The following FRMD4B variants were observed in gnomAD, a reference collection of about 807,000 sequenced individuals.
FRMD4B encodes the protein FERM domain-containing protein 4B.
Under a neutral mutation model 141.5 loss-of-function variants are expected in FRMD4B, and 74 were observed. The ratio of observed to expected loss-of-function variants is 0.52; its 90% CI spans 0.43 to 0.63. The LOEUF (loss-of-function observed/expected upper bound fraction) is 0.63. Ranked by LOEUF, FRMD4B falls within the 30% of genes least tolerant of loss-of-function variation. The pLI, the probability that FRMD4B is intolerant of heterozygous loss-of-function variation, is 0.00. For missense variants in FRMD4B, 1,366 were observed against 1,253.4 expected (o/e 1.09, Z -1.36); for synonymous variants, 506 against 467.9 (o/e 1.08, Z -1.05).
At chr3:69,429,750 C>CTTTTTTTTTTT (rs60665985) in intron 2 of FRMD4B, among the ~76,000 whole-genome samples, 1 of 79,478 alleles carries the variant, frequency 1.3e-5, no homozygotes, top group Non-Finnish European at 2.4e-5. Flanking sequence ...GAGACCTCTT[C>CTTTTTTTTTTT]TTTTTTTTTT....
At chr3:69,504,679 A>G (rs949807055) in intron 1 of FRMD4B, among the ~76,000 whole-genome samples, 11 of 152,188 alleles carry the variant, frequency 7.2e-5, no homozygotes, top group African/African-American at 2.7e-4. Context: ...CATGGAACAG[A>G]TATACCACAT....
At chr3:69,458,051 C>T (rs2106912217) in intron 1 of FRMD4B, among the ~76,000 whole-genome samples, 1 of 152,312 alleles carries the variant, frequency 6.6e-6, no homozygotes, top group East Asian at 1.9e-4. Context: ...CTCTTGCTTC[C>T]TGGGAATCTC....
At chr3:69,282,210 C>T (rs74449878) in intron 5 of FRMD4B, among the ~76,000 whole-genome samples, 3,359 of 152,144 alleles carry the variant, frequency 0.022, 65 homozygotes, top group Non-Finnish European at 0.029. Context: ...CTTTTCTTGC[C>T]TGTGTATTTC....
chr3:69,477,187 A>G (rs564630423), intron 1 of FRMD4B, among the ~76,000 whole-genome samples: 1,857 of 152,082 alleles, frequency 0.012, 27 homozygotes, highest in African/African-American at 0.041. Context: ...CTAATTGAAT[A>G]CCCTTTATTT....
chr3:69,366,176 T>C (rs146121489), intron 1 of FRMD4B, among the ~76,000 whole-genome samples: 1,554 of 150,456 alleles, frequency 0.01, 19 homozygotes, highest in African/African-American at 0.035. Flanking sequence ...AGGAGAATTG[T>C]TTGAACCCAG....
intron 1 of FRMD4B, among the ~76,000 whole-genome samples, chr3:69,525,485 G>A (rs944369142): frequency 3.9e-5 from 6 of 152,192 alleles, no homozygotes; most frequent in African/African-American, 1.4e-4. Flanking sequence ...GGCATTATCA[G>A]AAGTTCATAA....
At chr3:69,541,791 C>CCAA in intron 1 of FRMD4B, among the ~76,000 whole-genome samples, 1 of 150,876 alleles carries the variant, frequency 6.6e-6, no homozygotes, top group South Asian at 2.1e-4. Context: ...CAGGGATTTC[C>CCAA]CCCCCCTCTT....
At chr3:69,233,854 C>T (rs972891728) in intron 7 of FRMD4B, among the ~76,000 whole-genome samples, 1 of 152,124 alleles carries the variant, frequency 6.6e-6, no homozygotes, top group African/African-American at 2.4e-5. Context: ...GATGAGAAGT[C>T]ATTTCTTTGT....
intron 1 of FRMD4B, among the ~76,000 whole-genome samples, chr3:69,439,895 C>A (rs1287424108): frequency 1.3e-5 from 2 of 152,134 alleles, no homozygotes; most frequent in African/African-American, 4.8e-5. Flanking sequence ...TGTGGAAGTG[C>A]CTGTTAATAA....
intron 1 of FRMD4B, among the ~76,000 whole-genome samples, chr3:69,438,972 T>C (rs56231721): frequency 0.03 from 4,499 of 152,298 alleles, 232 homozygotes; most frequent in African/African-American, 0.1. Context: ...TCTTCTATGT[T>C]AATTTCTCCA....
intron 19 of FRMD4B, among the ~76,000 whole-genome samples, chr3:69,184,199 G>A (rs186338304): frequency 5.3e-5 from 8 of 152,110 alleles, no homozygotes; most frequent in Admixed American, 4.6e-4. Flanking sequence ...GGCGTGAGCC[G>A]CTGCCTGTAT....
intron 1 of FRMD4B, chr3:69,536,236 CT>C: frequency 1.7e-6 from 1 of 605,386 alleles, no homozygotes; most frequent in Non-Finnish European, 3.1e-6. Flanking sequence ...TCTTGGCGTC[CT>C]TCCCCTTGGC....
intron 1 of FRMD4B, among the ~76,000 whole-genome samples, chr3:69,454,116 C>G (rs1045488432): frequency 6.6e-6 from 1 of 152,134 alleles, no homozygotes; most frequent in Admixed American, 6.5e-5. Context: ...TGCTGTATCC[C>G]CAGCGATAAC....
chr3:69,504,494 G>C (rs1437920157), intron 1 of FRMD4B, among the ~76,000 whole-genome samples: 1 of 152,054 alleles, frequency 6.6e-6, no homozygotes, highest in African/African-American at 2.4e-5. Context: ...CCCAGACCCA[G>C]GCGACCTCCA....
intron 11 of FRMD4B, among the ~76,000 whole-genome samples, chr3:69,214,718 T>G (rs1419153790): frequency 1.3e-5 from 2 of 151,972 alleles, no homozygotes; most frequent in Non-Finnish European, 2.9e-5. Flanking sequence ...AAAAATGATC[T>G]GGGCATGGTA....
At chr3:69,264,430 T>C (rs892634241) in intron 5 of FRMD4B, among the ~76,000 whole-genome samples, 26 of 103,778 alleles carry the variant, frequency 2.5e-4, no homozygotes, top group African/African-American at 6.5e-4. Context: ...TATATCTTTC[T>C]TTTTAAAAAG....
At chr3:69,338,163 G>C (rs192143042) in intron 1 of FRMD4B, among the ~76,000 whole-genome samples, 2,981 of 152,152 alleles carry the variant, frequency 0.02, 108 homozygotes, top group African/African-American at 0.068. Flanking sequence ...TGTAGGGACA[G>C]GGATAAAGCT....
chr3:69,174,981 A>C (rs1559681891), intron 22 of FRMD4B, among the ~76,000 whole-genome samples: 1 of 152,330 alleles, frequency 6.6e-6, no homozygotes, highest in East Asian at 1.9e-4. Context: ...GTATATTTTC[A>C]TTAAAATTCT....
intron 1 of FRMD4B, among the ~76,000 whole-genome samples, chr3:69,362,523 C>T (rs1703498789): frequency 6.6e-6 from 1 of 152,078 alleles, no homozygotes; most frequent in African/African-American, 2.4e-5. Flanking sequence ...ACTAAAAGTA[C>T]AAAATTAGCT....
Sources: allele counts gnomAD v4.1 joint callset (sites outside exome capture counted in the v4.1 genomes callset), GRCh38; gene constraint gnomAD v4.1.1; transcripts MANE v1.5; gene names NCBI Gene and HGNC (gene_info 2026-07-23, HGNC 2026-07-21).